DRICH1: variants seen among roughly 807,000 people sequenced by gnomAD.
The protein encoded by DRICH1 is aspartate-rich protein 1.
In DRICH1, 38 loss-of-function variants were observed where a neutral mutation model predicts 39.5. That is an observed-to-expected ratio of 0.96 (90% CI 0.74 to 1.26). DRICH1 has a LOEUF of 1.26. DRICH1 is among the 50% of genes most tolerant of loss of function. DRICH1 has a pLI of 0.00. For synonymous variants in DRICH1, 84 were observed against 99.5 expected (o/e 0.84, Z 0.93); for missense variants, 279 against 270.4 (o/e 1.03, Z -0.22).
chr22:23,617,261 T>C (rs984265702), intron 7 of DRICH1, among the ~76,000 whole-genome samples: 3 of 152,230 alleles, frequency 2.0e-5, no homozygotes, highest in African/African-American at 4.8e-5. Context: ...TTGTACATAA[T>C]GTGACTTGTC....
the DRICH1 span, among the ~76,000 whole-genome samples, chr22:23,601,141 C>T: frequency 6.0e-5 from 8 of 133,172 alleles, no homozygotes; most frequent in African/African-American, 2.2e-4. Context: ...ACCTAACGCA[C>T]GCGCGCACAC....
At chr22:23,603,377 A>T in the DRICH1 span, among the ~76,000 whole-genome samples, 1 of 151,004 alleles carries the variant, frequency 6.6e-6, no homozygotes, top group Admixed American at 6.6e-5. Context: ...TGCCTCCTCC[A>T]GGTTCCTCAC....
chr22:23,603,994 G>C (rs993602818), downstream of DRICH1, among the ~76,000 whole-genome samples: 3 of 152,148 alleles, frequency 2.0e-5, no homozygotes, highest in Admixed American at 1.3e-4. Flanking sequence ...AAAAAGCCCA[G>C]GGCTGTCCTT....
chr22:23,606,735 C>G (rs1313120248), downstream of DRICH1, among the ~76,000 whole-genome samples: 2 of 152,204 alleles, frequency 1.3e-5, no homozygotes, highest in Non-Finnish European at 2.9e-5. Context: ...TGGCTGCTGC[C>G]TCTCAGGCCA....
At chr22:23,592,871 C>CACACAT in the DRICH1 span, among the ~76,000 whole-genome samples, 1 of 136,718 alleles carries the variant, frequency 7.3e-6, no homozygotes, top group South Asian at 2.4e-4. Context: ...CACACACACA[C>CACACAT]ACACACACAA....
At chr22:23,625,890 C>T (rs1189034313) in intron 2 of DRICH1, 91 bp downstream of exon 2, 2 of 1,016,940 alleles carry the variant, frequency 2.0e-6, no homozygotes, top group Admixed American at 1.8e-5. Flanking sequence ...CTGCAGGCCT[C>T]TGAGTCCATT....
intron 10 of DRICH1, 123 bp from the exon 11 acceptor site, chr22:23,613,453 T>C: frequency 2.1e-6 from 2 of 948,598 alleles, no homozygotes; most frequent in South Asian, 2.7e-5. Flanking sequence ...TCATACATGA[T>C]CCCCTAATCT....
At chr22:23,621,538 T>C (rs180828266) in intron 4 of DRICH1, among the ~76,000 whole-genome samples, 59 of 152,112 alleles carry the variant, frequency 3.9e-4, no homozygotes, top group African/African-American at 1.3e-3. Flanking sequence ...CACTAGGGGA[T>C]AAATTGCTTG....
chr22:23,614,819 G>A (rs1350701344), intron 8 of DRICH1, among the ~76,000 whole-genome samples: 1 of 152,180 alleles, frequency 6.6e-6, no homozygotes. Flanking sequence ...TTGGACAGCA[G>A]CTCCTGTGTC....
the DRICH1 span, among the ~76,000 whole-genome samples, chr22:23,594,851 T>A: frequency 5.5e-4 from 83 of 151,748 alleles, no homozygotes; most frequent in African/African-American, 1.9e-3. Context: ...GGCCTGGAGG[T>A]GACACCTCCC....
chr22:23,595,351 T>G, the DRICH1 span, among the ~76,000 whole-genome samples: 1 of 149,852 alleles, frequency 6.7e-6, no homozygotes, highest in Non-Finnish European at 1.5e-5. Context: ...CTCTAAGCAC[T>G]CAGGGTACTG....
At chr22:23,604,575 C>T (rs1926632190), downstream of DRICH1, among the ~76,000 whole-genome samples, 1 of 152,180 alleles carries the variant, frequency 6.6e-6, no homozygotes, top group African/African-American at 2.4e-5. Context: ...CTCAGCCTGG[C>T]ACCCACTAGT....
chr22:23,586,942 A>G, the DRICH1 span, among the ~76,000 whole-genome samples: 1 of 152,166 alleles, frequency 6.6e-6, no homozygotes, highest in Non-Finnish European at 1.5e-5. Flanking sequence ...TAACTACACC[A>G]GTTTTCCTTT....
At chr22:23,590,235 T>C in the DRICH1 span, among the ~76,000 whole-genome samples, 43 of 152,136 alleles carry the variant, frequency 2.8e-4, no homozygotes, top group African/African-American at 9.9e-4. Context: ...TCTAGCATCG[T>C]TGCATTGTAC....
chr22:23,606,471 C>T (rs113321628), downstream of DRICH1, among the ~76,000 whole-genome samples: 105 of 152,284 alleles, frequency 6.9e-4, no homozygotes, highest in African/African-American at 2.4e-3. Context: ...TTCCCATTGG[C>T]GTCGGTTGGG....
rs1926869034 is a variant in DRICH1, at chr22:23,608,704, C to T, written c.*60G>A. 1 of 1,537,086 alleles carries T rather than the reference C, an allele frequency of 6.5e-7. No individual in the cohort carries two copies. The highest frequency in any genetic ancestry group is 2.4e-5 in the East Asian group (1 of 40,942). ...ACCTCCAGGGGCAAAGCTGGGGACC[C>T]TGCAGCACGCGCTGGCCTGCCCTTT... On this transcript the variant is annotated 3_prime_UTR_variant, in exon 12 of 12. Transcript: ENST00000317749.
At chr22:23,588,411 C>A in the DRICH1 span, among the ~76,000 whole-genome samples, 2 of 152,248 alleles carry the variant, frequency 1.3e-5, no homozygotes, top group Non-Finnish European at 2.9e-5. Context: ...CAGGCATGAG[C>A]CACTGTGCCC....
downstream of DRICH1, among the ~76,000 whole-genome samples, chr22:23,604,726 G>A (rs1194496516): frequency 6.6e-6 from 1 of 152,184 alleles, no homozygotes; most frequent in Non-Finnish European, 1.5e-5. Context: ...ACCTCACTTT[G>A]CAGAAGGGGA....
At chr22:23,622,006 C>G in intron 4 of DRICH1, 85 bp downstream of exon 4, 1 of 1,239,830 alleles carries the variant, frequency 8.1e-7, no homozygotes, top group Non-Finnish European at 1.2e-6. Flanking sequence ...CTCCCTGAGT[C>G]CATTCTTTGG....
Sources: allele counts gnomAD v4.1 joint callset (sites outside exome capture counted in the v4.1 genomes callset), GRCh38; gene constraint gnomAD v4.1.1; transcripts MANE v1.5; gene names NCBI Gene and HGNC (gene_info 2026-07-23, HGNC 2026-07-21).